CAMKMT: variants seen among roughly 807,000 people sequenced by gnomAD.
CAMKMT encodes calmodulin-lysine N-methyltransferase.
In CAMKMT, 53 loss-of-function variants were observed where a neutral mutation model predicts 48.0. The ratio of observed to expected loss-of-function variants is 1.10; its 90% CI spans 0.89 to 1.39. The LOEUF (loss-of-function observed/expected upper bound fraction) is 1.39, where lower values mean the gene tolerates loss of function less well. Ranked by LOEUF, CAMKMT falls within the 40% of genes most tolerant of loss-of-function variation. The pLI, the probability that CAMKMT is intolerant of heterozygous loss-of-function variation, is 0.00. For synonymous variants in CAMKMT, 165 were observed against 152.3 expected (o/e 1.08, Z -0.61); for missense variants, 428 against 402.7 (o/e 1.06, Z -0.54).
At chr2:44,599,826 T>A (rs201549655) in intron 3 of CAMKMT, among the ~76,000 whole-genome samples, 3 of 145,490 alleles carry the variant, frequency 2.1e-5, no homozygotes, top group African/African-American at 2.5e-5. Flanking sequence ...TGGCAAGGTT[T>A]AAAAAAAAAA....
At chr2:44,391,841 T>A (rs1332673578) in intron 3 of CAMKMT, 1 of 153,122 alleles carries the variant, frequency 6.5e-6, no homozygotes, top group East Asian at 1.9e-4. Flanking sequence ...ACGGAAATAT[T>A]GCATATTCAG....
At chr2:44,634,411 A>G (rs576438669) in intron 3 of CAMKMT, among the ~76,000 whole-genome samples, 2 of 152,010 alleles carry the variant, frequency 1.3e-5, no homozygotes, top group Admixed American at 6.6e-5. Flanking sequence ...CAATGGTTCG[A>G]TATATTTTGT....
intron 3 of CAMKMT, among the ~76,000 whole-genome samples, chr2:44,449,418 T>C (rs1190854509): frequency 6.6e-6 from 1 of 152,184 alleles, no homozygotes; most frequent in East Asian, 1.9e-4. Flanking sequence ...TATTTTTACT[T>C]GTATAACCCA....
intron 3 of CAMKMT, among the ~76,000 whole-genome samples, chr2:44,700,737 A>C (rs2104255382): frequency 6.6e-6 from 1 of 152,338 alleles, no homozygotes; most frequent in East Asian, 1.9e-4. Flanking sequence ...AATAATAATG[A>C]AAAATTTTGA....
chr2:44,525,136 A>G (rs1671337110), intron 3 of CAMKMT, among the ~76,000 whole-genome samples: 1 of 152,218 alleles, frequency 6.6e-6, no homozygotes, highest in Admixed American at 6.5e-5. Context: ...TATAAATTTT[A>G]TAGGTTAGAT....
At chr2:44,370,350 G>C (rs1679032916) in intron 1 of CAMKMT, among the ~76,000 whole-genome samples, 1 of 152,128 alleles carries the variant, frequency 6.6e-6, no homozygotes, top group Non-Finnish European at 1.5e-5. Context: ...TTCAGTTTTT[G>C]AAATAGTTTA....
chr2:44,536,952 A>G (rs1197396893), intron 3 of CAMKMT, among the ~76,000 whole-genome samples: 1 of 152,208 alleles, frequency 6.6e-6, no homozygotes, highest in East Asian at 1.9e-4. Flanking sequence ...AAAGCTGGAT[A>G]TTTATATGCA....
chr2:44,464,134 G>T (rs1667991054), intron 3 of CAMKMT, among the ~76,000 whole-genome samples: 1 of 152,088 alleles, frequency 6.6e-6, no homozygotes, highest in South Asian at 2.1e-4. Flanking sequence ...TATGAACAAA[G>T]ATATAGAAAC....
chr2:44,449,406 GATA>G (rs1411738920), intron 3 of CAMKMT, among the ~76,000 whole-genome samples: 1 of 152,010 alleles, frequency 6.6e-6, no homozygotes, highest in Non-Finnish European at 1.5e-5. Context: ...TTATCTTCAG[GATA>G]TTTTTACTTG....
intron 3 of CAMKMT, among the ~76,000 whole-genome samples, chr2:44,589,366 G>T (rs1348149184): frequency 1.9e-5 from 1 of 53,462 alleles, no homozygotes; most frequent in African/African-American, 7.8e-5. Context: ...GCCCGGCCAC[G>T]ACCCCGTCTG....
chr2:44,393,701 G>A (rs1005222903), intron 3 of CAMKMT, among the ~76,000 whole-genome samples: 1 of 152,130 alleles, frequency 6.6e-6, no homozygotes, highest in African/African-American at 2.4e-5. Flanking sequence ...CTCAGATGAG[G>A]TACTGGCTGC....
intron 3 of CAMKMT, among the ~76,000 whole-genome samples, chr2:44,546,786 C>T (rs985282665): frequency 5.9e-5 from 9 of 152,178 alleles, no homozygotes; most frequent in Admixed American, 6.5e-5. Context: ...AATGTAATCA[C>T]AAAATTTAGG....
At chr2:44,520,665 A>T (rs182216828) in intron 3 of CAMKMT, among the ~76,000 whole-genome samples, 10 of 152,278 alleles carry the variant, frequency 6.6e-5, no homozygotes, top group Non-Finnish European at 1.3e-4. Flanking sequence ...TATTATCCTG[A>T]ATTATGCACC....
intron 1 of CAMKMT, among the ~76,000 whole-genome samples, chr2:44,371,822 A>C (rs1256221705): frequency 6.6e-6 from 1 of 152,196 alleles, no homozygotes; most frequent in African/African-American, 2.4e-5. Flanking sequence ...GATGTCATGA[A>C]ATATCTGATC....
At chr2:44,410,752 G>C (rs527817661) in intron 3 of CAMKMT, among the ~76,000 whole-genome samples, 1 of 152,282 alleles carries the variant, frequency 6.6e-6, no homozygotes, top group East Asian at 1.9e-4. Context: ...CTGAAGCAAA[G>C]AGTAATTGTC....
At chr2:44,597,968 C>T (rs966707954) in intron 3 of CAMKMT, among the ~76,000 whole-genome samples, 1 of 152,148 alleles carries the variant, frequency 6.6e-6, no homozygotes, top group Non-Finnish European at 1.5e-5. Context: ...AACTCCTGAC[C>T]TTTTGATCCA....
intron 3 of CAMKMT, among the ~76,000 whole-genome samples, chr2:44,455,838 G>T (rs1316510981): frequency 6.6e-6 from 1 of 152,124 alleles, no homozygotes; most frequent in Non-Finnish European, 1.5e-5. Context: ...AGAATTCATT[G>T]TAGTTGGAAT....
rs1054959008 is a variant in CAMKMT at position 44,380,376 on chromosome 2, C to T, written c.311+7488C>T. 3.9e-5 allele frequency among the ~76,000 whole-genome samples: 6 copies of T among 152,076 alleles called. No individual in the cohort carries two copies. In the East Asian group the frequency reaches 1.2e-3, roughly 29 times the overall value. On this transcript the variant is annotated intron_variant, in intron 2 of 10. Coordinates refer to ENST00000378494, the MANE Select transcript of CAMKMT (RefSeq NM_024766.5). Reference sequence around the variant, plus strand: ...GCAAAAAATCGTAGTTGTCACATAACATTAATTACAAGTATAATGCTAAGA... The same window carrying T: ...GCAAAAAATCGTAGTTGTCACATAATATTAATTACAAGTATAATGCTAAGA...
chr2:44,445,645 G>GTTTTTTTTTT (rs869258613), intron 3 of CAMKMT, among the ~76,000 whole-genome samples: 1 of 101,424 alleles, frequency 9.9e-6, no homozygotes, highest in Non-Finnish European at 2.0e-5. Context: ...CAAAAGGGTA[G>GTTTTTTTTTT]TTTTTTTTTT....
Sources: allele counts gnomAD v4.1 joint callset (sites outside exome capture counted in the v4.1 genomes callset), GRCh38; gene constraint gnomAD v4.1.1; transcripts MANE v1.5; gene names NCBI Gene and HGNC (gene_info 2026-07-23, HGNC 2026-07-21).